Variants in RSBN1L observed in about 807,000 individuals in gnomAD.
RSBN1L encodes round spermatid basic protein 1 like.
In RSBN1L, 30 loss-of-function variants were observed where a neutral mutation model predicts 67.7. The ratio of observed to expected loss-of-function variants is 0.44; its 90% CI spans 0.33 to 0.60. The LOEUF (loss-of-function observed/expected upper bound fraction) is 0.60. Ranked by LOEUF, RSBN1L falls within the 20% of genes least tolerant of loss-of-function variation. RSBN1L has a pLI of 0.02. For synonymous variants in RSBN1L, 433 were observed against 387.0 expected, an observed-to-expected ratio of 1.12 and a Z score of -1.39; for missense variants, 992 against 1,031.7, an observed-to-expected ratio of 0.96 and a Z score of 0.53.
At chr7:77,710,493 A>C (rs904877788) in intron 1 of RSBN1L, among the ~76,000 whole-genome samples, 4 of 152,024 alleles carry the variant, frequency 2.6e-5, no homozygotes, top group African/African-American at 9.7e-5. Context: ...TCATCTCTCT[A>C]GGTCTCAACT....
intron 1 of RSBN1L, among the ~76,000 whole-genome samples, chr7:77,727,853 T>A (rs1483287880): frequency 6.6e-6 from 1 of 152,224 alleles, no homozygotes; most frequent in Non-Finnish European, 1.5e-5. Flanking sequence ...TTATAATGAC[T>A]CTGCAAATGC....
chr7:77,705,049 C>T (rs1309172176), intron 1 of RSBN1L, among the ~76,000 whole-genome samples: 1 of 151,886 alleles, frequency 6.6e-6, no homozygotes, highest in Admixed American at 6.6e-5. Context: ...CTACCCCAAA[C>T]TATCATTAAT....
chr7:77,709,857 C>T (rs1413667978), intron 1 of RSBN1L, among the ~76,000 whole-genome samples: 2 of 152,154 alleles, frequency 1.3e-5, no homozygotes, highest in Non-Finnish European at 2.9e-5. Context: ...TAAATTGCCT[C>T]CTTGACATTT....
rs1554338354 is a variant in RSBN1L, at chr7:77,725,243, A to AATTTTTTT, written c.587-11167_587-11166insATTTTTTT. On this transcript the variant is annotated intron_variant, in intron 1 of 7. Transcript: ENST00000334955. ...TTTCTTCCCTAGGGATAAGCCCCCCACTTTTTTTTTTTTTTTTTTTTTGAG... is the reference window on the plus strand; with the variant it reads ...TTTCTTCCCTAGGGATAAGCCCCCCAATTTTTTTCTTTTTTTTTTTTTTTTTTTTTGAG... Among the ~76,000 whole-genome samples, 324 of 57,824 alleles carry AATTTTTTT rather than the reference A, an allele frequency of 5.6e-3. 12 individuals carry two copies. Among genetic ancestry groups the AATTTTTTT allele is most frequent in the African/African-American group, 0.027 (306 of 11,246 alleles). The allele number at this position is 57,824 out of a possible 152,430, so 37.9% of individuals were successfully genotyped here.
At chr7:77,714,951 T>TC (rs1044178191) in intron 1 of RSBN1L, among the ~76,000 whole-genome samples, 4 of 102,728 alleles carry the variant, frequency 3.9e-5, no homozygotes, top group Non-Finnish European at 7.3e-5. Context: ...TGACAGAGAC[T>TC]CCATCTCAAA....
intron 2 of RSBN1L, among the ~76,000 whole-genome samples, chr7:77,739,943 G>T (rs1791387555): frequency 6.6e-6 from 1 of 150,586 alleles, no homozygotes; most frequent in Admixed American, 6.6e-5. Flanking sequence ...GTAGAGACAG[G>T]GTTTCACCAT....
At position 77,778,350 on chromosome 7, in the gene RSBN1L, C is replaced by G. The variant is rs760790913; in HGVS notation, c.1806C>G (p.Pro602=). 16 of 1,608,770 alleles carry G rather than the reference C, an allele frequency of 9.9e-6. No homozygotes were observed. Among genetic ancestry groups the G allele is most frequent in the African/African-American group, 2.7e-5 (2 of 74,740 alleles). Residue 602 remains proline (P), a synonymous_variant, in exon 7 of 8, where the codon CCC becomes CCG. Transcript: ENST00000334955. ...TTTTCTTTTTTAGGCCTGATCAACC[C>G]CGTATAACCAAAGATGTAATTTGTT... ...AVHCGEWPDQ[P]RITKDVICFH...
intron 5 of RSBN1L, among the ~76,000 whole-genome samples, chr7:77,769,813 ATAT>A (rs772836018): frequency 5.4e-4 from 82 of 152,340 alleles, no homozygotes; most frequent in Non-Finnish European, 1.0e-3. Flanking sequence ...TATAGCATTA[ATAT>A]TATAGGCTGG....
Position 77,696,481 on chromosome 7 carries a change from G to C in RSBN1L, c.12G>C (p.Pro4=). The C allele has an allele frequency of 9.3e-6, 15 of 1,609,018 alleles. No individual in the cohort carries two copies. The highest frequency in any genetic ancestry group is 1.3e-5 in the Non-Finnish European group (15 of 1,177,146). MAE[P]PSPVHCVAAA... is the part of the protein sequence containing the mutation. ...AACAGGAGCGCAAAATGGCGGAACC[G>C]CCGAGCCCCGTGCACTGTGTCGCTG... Residue 4 remains proline (P), a synonymous_variant, in exon 1 of 8, where the codon CCG becomes CCC. Coordinates refer to ENST00000334955, the MANE Select transcript of RSBN1L (RefSeq NM_198467.3).
At chr7:77,740,155 G>T (rs1441141207) in intron 2 of RSBN1L, among the ~76,000 whole-genome samples, 2 of 152,164 alleles carry the variant, frequency 1.3e-5, no homozygotes, top group East Asian at 3.9e-4. Flanking sequence ...TAAGAAAGTT[G>T]GATTATTTGC....
intron 4 of RSBN1L, among the ~76,000 whole-genome samples, chr7:77,767,365 C>CT (rs1176398044): frequency 6.6e-6 from 1 of 151,234 alleles, no homozygotes; most frequent in Non-Finnish European, 1.5e-5. Flanking sequence ...CTCTCTCTGT[C>CT]TTTTTTTGTT....
At chr7:77,711,256 T>C (rs1488159359) in intron 1 of RSBN1L, among the ~76,000 whole-genome samples, 1 of 152,146 alleles carries the variant, frequency 6.6e-6, no homozygotes, top group Non-Finnish European at 1.5e-5. Flanking sequence ...TGCCATTTTG[T>C]ATACTCTAAC....
intron 1 of RSBN1L, among the ~76,000 whole-genome samples, chr7:77,712,605 A>G (rs1050441577): frequency 8.5e-5 from 13 of 152,174 alleles, no homozygotes; most frequent in African/African-American, 2.4e-4. Flanking sequence ...AATGCACACA[A>G]CATTGTTTAT....
At chr7:77,715,357 G>C (rs1234465620) in intron 1 of RSBN1L, among the ~76,000 whole-genome samples, 1 of 152,118 alleles carries the variant, frequency 6.6e-6, no homozygotes, top group African/African-American at 2.4e-5. Flanking sequence ...GTGTGACAGA[G>C]TCTCACTTTG....
In RSBN1L at chr7:77,696,474, C is replaced by G; in HGVS notation, c.5C>G (p.Ala2Gly). 1 of 1,604,452 alleles carries G rather than the reference C, an allele frequency of 6.2e-7. No homozygotes were observed. Among genetic ancestry groups the G allele is most frequent in the South Asian group, 1.1e-5 (1 of 90,430 alleles). M[A>G]EPPSPVHCVA... is the part of the protein sequence containing the mutation. ...TAAATACAACAGGAGCGCAAAATGG[C>G]GGAACCGCCGAGCCCCGTGCACTGT... is the stretch of plus-strand genomic sequence containing the variant. The change falls in exon 1 of 8, where the codon GCG (alanine) becomes GGG (glycine). Residue 2 changes from alanine (A) to glycine (G), a missense_variant. By Grantham distance (60) the Ala-to-Gly change is moderately conservative. Around this residue, in one of 7 missense-constraint regions of RSBN1L, gnomAD observed 575 missense variants for 483.2 expected, o/e 1.19. Transcript: ENST00000334955.
intron 6 of RSBN1L, among the ~76,000 whole-genome samples, chr7:77,774,606 A>G (rs927642126): frequency 7.9e-5 from 12 of 152,244 alleles, no homozygotes; most frequent in African/African-American, 2.4e-4. Context: ...CCGTGGTGGC[A>G]CGTGCCTGTA....
Position 77,778,437 on chromosome 7 carries a change from A to T in RSBN1L, c.1893A>T (p.Pro631=). 6.2e-7 allele frequency: 1 copy of T among 1,609,930 alleles called. No individual in the cohort carries two copies. ...QRMQLDLHEP[P]LSQCVQWVDD... The stretch of plus-strand genomic sequence containing the variant: ...TGCAGTTAGATTTACATGAACCTCC[A>T]CTGTCCCAGGTATTTTTAATACACT... The change falls in exon 7 of 8, where the codon CCA becomes CCT. Residue 631 remains proline, a synonymous_variant. Coordinates refer to ENST00000334955, the MANE Select transcript of RSBN1L (RefSeq NM_198467.3).
At chr7:77,767,750 C>T (rs1456971247) in intron 4 of RSBN1L, among the ~76,000 whole-genome samples, 1 of 90,964 alleles carries the variant, frequency 1.1e-5, no homozygotes, top group Non-Finnish European at 2.2e-5. Context: ...CCCCTCCCCC[C>T]TTTTTCCCTC....
chr7:77,723,454 A>G (rs990314881), intron 1 of RSBN1L, among the ~76,000 whole-genome samples: 13 of 152,132 alleles, frequency 8.5e-5, no homozygotes, highest in Non-Finnish European at 1.8e-4. Context: ...GAATACATAT[A>G]TAATTTATTT....
Sources: allele counts gnomAD v4.1 joint callset (sites outside exome capture counted in the v4.1 genomes callset), GRCh38; gene constraint gnomAD v4.1.1; regional missense constraint gnomAD v4.1.1; transcripts MANE v1.5; gene names NCBI Gene and HGNC (gene_info 2026-07-23, HGNC 2026-07-21).